CXADR: variants seen among roughly 807,000 people sequenced by gnomAD.
CXADR encodes the protein coxsackievirus and adenovirus receptor.
Under a neutral mutation model 40.3 loss-of-function variants are expected in CXADR, and 20 were observed. The ratio of observed to expected loss-of-function variants is 0.50; its 90% CI spans 0.35 to 0.72. The LOEUF (loss-of-function observed/expected upper bound fraction) is 0.72. Among genes scored for constraint, CXADR ranks in the 30% least tolerant of loss-of-function variants. The pLI is 0.01. For missense variants in CXADR, 332 were observed against 449.1 expected (o/e 0.74, Z 2.36); for synonymous variants, 150 against 161.3 (o/e 0.93, Z 0.53).
chr21:17,522,154 CT>C (rs111957996), intron 1 of CXADR, among the ~76,000 whole-genome samples: 28 of 147,008 alleles, frequency 1.9e-4, no homozygotes, highest in East Asian at 4.0e-4. Context: ...TTCTTTCTTC[CT>C]TTTTTTTTTG....
At chr21:17,618,211 A>G in the CXADR span, among the ~76,000 whole-genome samples, 1 of 152,050 alleles carries the variant, frequency 6.6e-6, no homozygotes, top group African/African-American at 2.4e-5. Context: ...CATTCATTCA[A>G]ATTTTATCAT....
At chr21:17,613,109 A>T in the CXADR span, 1 of 151,980 alleles carries the variant, frequency 6.6e-6, no homozygotes, top group Non-Finnish European at 1.5e-5. Context: ...AGCCTGGCGC[A>T]GACCCTCGAC....
chr21:17,552,400 C>T (rs984294687), intron 3 of CXADR, among the ~76,000 whole-genome samples: 5 of 152,136 alleles, frequency 3.3e-5, no homozygotes, highest in African/African-American at 1.2e-4. Flanking sequence ...ATTTAAGCTT[C>T]TTGGCATCAC....
the CXADR span, among the ~76,000 whole-genome samples, chr21:17,620,229 T>G: frequency 6.6e-6 from 1 of 152,188 alleles, no homozygotes; most frequent in Non-Finnish European, 1.5e-5. Context: ...ATGAGAGATG[T>G]GTGACTCTTT....
downstream of CXADR, among the ~76,000 whole-genome samples, chr21:17,596,126 T>C (rs895591985): frequency 7.9e-5 from 12 of 152,038 alleles, no homozygotes; most frequent in African/African-American, 2.9e-4. Flanking sequence ...TATTTTTCAT[T>C]GAATCATTTA....
chr21:17,541,158 C>G (rs760888711), intron 1 of CXADR, among the ~76,000 whole-genome samples: 13 of 151,976 alleles, frequency 8.6e-5, no homozygotes, highest in Non-Finnish European at 1.6e-4. Context: ...TAGTTTACAT[C>G]GGGGTTCACT....
downstream of CXADR, among the ~76,000 whole-genome samples, chr21:17,574,004 A>G (rs1369185783): frequency 1.3e-5 from 2 of 152,258 alleles, no homozygotes; most frequent in Non-Finnish European, 2.9e-5. Context: ...AGGAACTTCT[A>G]CATTTCACAC....
At chr21:17,555,108 A>C (rs1165261188) in intron 3 of CXADR, among the ~76,000 whole-genome samples, 2 of 152,204 alleles carry the variant, frequency 1.3e-5, no homozygotes, top group Non-Finnish European at 2.9e-5. Context: ...GAGTTGATAG[A>C]AGGTTACTGT....
chr21:17,598,806 A>C, the CXADR span: 1 of 1,613,958 alleles, frequency 6.2e-7, no homozygotes, highest in Non-Finnish European at 8.5e-7. Context: ...CAATGAATGC[A>C]TTGTTTTTCT....
At chr21:17,542,024 A>C in intron 1 of CXADR, 1 of 366,616 alleles carries the variant, frequency 2.7e-6, no homozygotes, top group Non-Finnish European at 5.3e-6. Flanking sequence ...AACAATTATT[A>C]CTCTGTTTTT....
rs1185649631 is a variant in CXADR at position 17,559,061 on chromosome 21, T to C, written c.501T>C (p.Gly167=). The C allele has an allele frequency of 6.2e-7, 1 of 1,613,982 alleles. No individual in the cohort carries two copies. Among genetic ancestry groups the C allele is most frequent in the Non-Finnish European group, 8.5e-7 (1 of 1,179,992 alleles). ...AGATAAAATGTGAACCAAAAGAAGG[T>C]TCACTTCCATTACAGTATGAGTGGC... ...DFKIKCEPKE[G]SLPLQYEWQK... Residue 167 remains glycine (G), a synonymous_variant, in exon 4 of 7, where the codon GGT becomes GGC. Coordinates refer to ENST00000284878, the MANE Select transcript of CXADR (RefSeq NM_001338.5).
At chr21:17,562,640 G>T (rs2061140116) in intron 6 of CXADR, among the ~76,000 whole-genome samples, 1 of 152,232 alleles carries the variant, frequency 6.6e-6, no homozygotes, top group Non-Finnish European at 1.5e-5. Context: ...GGCCTAGATG[G>T]TGTCTTCTTC....
At chr21:17,539,192 C>T (rs868044789) in intron 1 of CXADR, among the ~76,000 whole-genome samples, 2 of 152,110 alleles carry the variant, frequency 1.3e-5, no homozygotes, top group Non-Finnish European at 2.9e-5. Flanking sequence ...TAGGGTTGTG[C>T]TGGGGAAACA....
At chr21:17,587,908 G>A (rs563187464) in intron 7 of CXADR, among the ~76,000 whole-genome samples, 1 of 152,216 alleles carries the variant, frequency 6.6e-6, no homozygotes, top group African/African-American at 2.4e-5. Context: ...ATTAATTTTT[G>A]TATAAGGTGT....
At chr21:17,539,443 A>AT (rs1464739735) in intron 1 of CXADR, among the ~76,000 whole-genome samples, 1 of 151,946 alleles carries the variant, frequency 6.6e-6, no homozygotes, top group Non-Finnish European at 1.5e-5. Context: ...CTTGTCTCAT[A>AT]TCCTCATTTT....
intron 7 of CXADR, among the ~76,000 whole-genome samples, chr21:17,581,018 TG>T (rs1182481302): frequency 1.3e-5 from 2 of 152,254 alleles, no homozygotes; most frequent in African/African-American, 4.8e-5. Context: ...CCCAAAGAGC[TG>T]GGATTATAGG....
At chr21:17,535,843 C>CA (rs891954770) in intron 1 of CXADR, among the ~76,000 whole-genome samples, 18 of 151,874 alleles carry the variant, frequency 1.2e-4, no homozygotes, top group Non-Finnish European at 2.2e-4. Flanking sequence ...CCCATCTCTA[C>CA]AAAAAAATAC....
At chr21:17,517,827 G>A (rs1208537729) in intron 1 of CXADR, among the ~76,000 whole-genome samples, 1 of 152,138 alleles carries the variant, frequency 6.6e-6, no homozygotes, top group Non-Finnish European at 1.5e-5. Context: ...CAGGCCATTT[G>A]GAGACCAAAA....
the CXADR span, among the ~76,000 whole-genome samples, chr21:17,610,219 G>C: frequency 6.6e-6 from 1 of 152,148 alleles, no homozygotes; most frequent in African/African-American, 2.4e-5. Flanking sequence ...TACTTTTTGA[G>C]GTGATAAAAA....
Sources: allele counts gnomAD v4.1 joint callset (sites outside exome capture counted in the v4.1 genomes callset), GRCh38; gene constraint gnomAD v4.1.1; transcripts MANE v1.5; gene names NCBI Gene and HGNC (gene_info 2026-07-23, HGNC 2026-07-21).